The following PACS2 variants were observed in gnomAD, a reference collection of about 807,000 sequenced individuals.
The protein encoded by PACS2 is PACS1-like protein.
A neutral mutation model predicts 113.0 loss-of-function variants in PACS2; 36 were observed. That is an observed-to-expected ratio of 0.32 (90% CI 0.24 to 0.42). The LOEUF (loss-of-function observed/expected upper bound fraction) is 0.42. Among genes scored for constraint, PACS2 ranks in the 10% least tolerant of loss-of-function variants. The pLI is 1.00. For missense variants in PACS2, 1,015 were observed against 1,239.5 expected (o/e 0.82, Z 2.72); for synonymous variants, 589 against 536.1 (o/e 1.10, Z -1.36).
intron 1 of PACS2, among the ~76,000 whole-genome samples, chr14:105,305,424 A>G (rs941208066): frequency 6.6e-6 from 1 of 150,774 alleles, no homozygotes; most frequent in Non-Finnish European, 1.5e-5. Context: ...AACAAGAAAA[A>G]AGAAAAAACG....
intron 1 of PACS2, among the ~76,000 whole-genome samples, chr14:105,321,962 CAG>C (rs1460976937): frequency 1.9e-4 from 29 of 150,238 alleles, no homozygotes; most frequent in Non-Finnish European, 3.2e-4. Context: ...TTTTTTGAGA[CAG>C]AGTCTCGCTG....
At chr14:105,392,336 C>T (rs1396115886) in intron 22 of PACS2, 4 of 486,468 alleles carry the variant, frequency 8.2e-6, no homozygotes, top group South Asian at 2.4e-5. Flanking sequence ...CTGGTTCGCA[C>T]GGGCCCTCAC....
Position 105,309,349 on chromosome 14 carries a change from A to G in PACS2, c.-83+8370A>G, listed in dbSNP as rs187437192. Reference sequence around the variant, plus strand: ...ACACCCTGATTTGTCACACAATCACATATCTGAGAATTTCCCCATGTTGCT... The same window carrying G: ...ACACCCTGATTTGTCACACAATCACGTATCTGAGAATTTCCCCATGTTGCT... On this transcript the variant is annotated intron_variant, in intron 1 of 23. Coordinates refer to the PACS2 transcript ENST00000430725. This position sits in a 1 kb window ranked among gnomAD's most constrained non-coding sequence, Gnocchi z 4.0. Among the ~76,000 whole-genome samples the G allele has an allele frequency of 0.017, 2,520 of 146,616 alleles. 72 individuals are homozygous for G. The highest frequency in any genetic ancestry group is 0.064 in the African/African-American group (2,294 of 35,968).
chr14:105,362,228 C>A (rs990969628), intron 4 of PACS2, among the ~76,000 whole-genome samples: 1 of 150,686 alleles, frequency 6.6e-6, no homozygotes, highest in Non-Finnish European at 1.5e-5. Context: ...ACCATCCTGG[C>A]TAACACAGTG....
At chr14:105,379,182 G>T (rs587666396) in intron 9 of PACS2, among the ~76,000 whole-genome samples, 1 of 152,354 alleles carries the variant, frequency 6.6e-6, no homozygotes, top group South Asian at 2.1e-4. Context: ...GGAAAGGCCT[G>T]GGTGGTCCGG....
chr14:105,377,608 C>T (rs888899135), intron 9 of PACS2, among the ~76,000 whole-genome samples: 2 of 152,178 alleles, frequency 1.3e-5, no homozygotes, highest in Non-Finnish European at 2.9e-5. Flanking sequence ...ACTTTTTTAA[C>T]CTAAACAACA....
rs1305155912 is a variant in PACS2 at position 105,357,398 on chromosome 14, C to T, written c.423+2221C>T. Among the ~76,000 whole-genome samples the T allele has an allele frequency of 6.6e-6, 1 of 152,120 alleles. No individual in the cohort carries two copies. The highest frequency in any genetic ancestry group is 2.4e-5 in the African/African-American group (1 of 41,426). On this transcript the variant is annotated intron_variant, in intron 4 of 24. Transcript: ENST00000447393. The surrounding 1 kb of genome is among the most constrained non-coding windows in gnomAD (Gnocchi z 5.1). ...GCCCCTGAGCCTGTGGCCCCCACCCCAAGGCTCCCTCGCCCTGCACCTGTG... is the reference window on the plus strand; with the variant it reads ...GCCCCTGAGCCTGTGGCCCCCACCCTAAGGCTCCCTCGCCCTGCACCTGTG...
chr14:105,373,779 C>A (rs587644689), intron 8 of PACS2, among the ~76,000 whole-genome samples: 6 of 149,988 alleles, frequency 4.0e-5, no homozygotes, highest in African/African-American at 1.3e-4. Context: ...CAGAGTGAGA[C>A]CCTGTCTCAA....
chr14:105,379,890 C>T lies in PACS2; in HGVS notation c.1050+61C>T. ...GTGGTCTGACTGGGCTGTGGTGTGG[C>T]CCAAATCTCCCAGCATGTCCTGGGC... On this transcript the variant is annotated intron_variant, in intron 10 of 24. Transcript: ENST00000447393. 3 of 1,504,966 alleles carry T rather than the reference C, an allele frequency of 2.0e-6. No individual in the cohort carries two copies. The African/African-American group carries it at 4.1e-5, about 21-fold the overall frequency. The allele number at this position is 1,504,966 out of a possible 1,614,324, so 93.2% of individuals were successfully genotyped here. A position where few individuals can be genotyped will look rare whatever the true frequency, so the allele number is the denominator to read the frequency against.
At chr14:105,392,266 C>G (rs2081385527) in intron 22 of PACS2, 1 of 387,428 alleles carries the variant, frequency 2.6e-6, no homozygotes, top group South Asian at 2.7e-5. Flanking sequence ...AGATACCCCC[C>G]CGACCCCCCT....
At chr14:105,362,643 G>C (rs1411916617) in intron 4 of PACS2, among the ~76,000 whole-genome samples, 2 of 151,916 alleles carry the variant, frequency 1.3e-5, no homozygotes, top group African/African-American at 4.8e-5. Flanking sequence ...CTGAGGTCAG[G>C]AGTTCAAGAC....
At chr14:105,350,761 G>A (rs1194564528) in intron 2 of PACS2, among the ~76,000 whole-genome samples, 6 of 152,232 alleles carry the variant, frequency 3.9e-5, no homozygotes, top group African/African-American at 9.6e-5. Context: ...GGTCCTCTGA[G>A]GGGGGAATGC....
intron 8 of PACS2, among the ~76,000 whole-genome samples, chr14:105,375,617 A>G: frequency 6.6e-6 from 1 of 152,186 alleles, no homozygotes; most frequent in East Asian, 1.9e-4. Flanking sequence ...CCACAATGAG[A>G]CACTACTTGA....
At chr14:105,350,974 G>A (rs1430946245) in intron 2 of PACS2, among the ~76,000 whole-genome samples, 1 of 152,192 alleles carries the variant, frequency 6.6e-6, no homozygotes, top group African/African-American at 2.4e-5. Context: ...GTCCGCCATG[G>A]ACGTCTCATG....
At chr14:105,305,998 A>G (rs2058177114) in intron 1 of PACS2, among the ~76,000 whole-genome samples, 1 of 152,254 alleles carries the variant, frequency 6.6e-6, no homozygotes, top group Non-Finnish European at 1.5e-5. Context: ...ACCTGACTCC[A>G]GCACACAGCA....
chr14:105,328,508 G>T (rs749166114), intron 1 of PACS2, among the ~76,000 whole-genome samples: 9 of 152,234 alleles, frequency 5.9e-5, no homozygotes, highest in Non-Finnish European at 1.3e-4. Context: ...CAGGGGCCCA[G>T]AGGCTGCTCT....
At chr14:105,322,563 GCCTAC>G (rs1330238027) in intron 1 of PACS2, among the ~76,000 whole-genome samples, 2 of 152,228 alleles carry the variant, frequency 1.3e-5, no homozygotes, top group African/African-American at 4.8e-5. Context: ...ACCACGCCCA[GCCTAC>G]CCTGTACATT....
chr14:105,322,964 G>A (rs1250217238), intron 1 of PACS2, among the ~76,000 whole-genome samples: 2 of 152,180 alleles, frequency 1.3e-5, no homozygotes, highest in Admixed American at 1.3e-4. Flanking sequence ...TGCTGGGGTG[G>A]TGTGTGCTCC....
chr14:105,332,226 G>T (rs1239957229), intron 1 of PACS2, among the ~76,000 whole-genome samples: 2 of 152,198 alleles, frequency 1.3e-5, no homozygotes, highest in African/African-American at 4.8e-5. Flanking sequence ...GGGGCTGCCT[G>T]TGCCTCTGTG....
Sources: gnomAD v4.1 joint callset for allele counts (sites outside exome capture counted in the v4.1 genomes callset) on GRCh38, gnomAD v4.1.1 for gene constraint, Gnocchi (gnomAD v3.1) non-coding constraint, MANE v1.5 for transcripts, NCBI Gene and HGNC (gene_info 2026-07-23, HGNC 2026-07-21) for gene names.